MYT1L: variants seen among roughly 807,000 people sequenced by gnomAD.
MYT1L encodes myelin transcription factor 1 like.
MYT1L carries 12 observed loss-of-function variants against 126.7 expected under a neutral mutation model. That is an observed-to-expected ratio of 0.09 (90% confidence interval 0.06 to 0.15). The LOEUF is 0.15. Among genes scored for constraint, MYT1L ranks in the 10% least tolerant of loss-of-function variants. The probability of loss-of-function intolerance (pLI) is 1.00; values close to 1 mark genes in which losing one functional copy is unlikely to be tolerated. For missense variants in MYT1L, 979 were observed against 1,585.2 expected (o/e 0.62, Z 6.49); for synonymous variants, 541 against 604.2 (o/e 0.90, Z 1.53).
At chr2:2,193,984 T>C (rs2092698125) in intron 2 of MYT1L, among the ~76,000 whole-genome samples, 1 of 152,090 alleles carries the variant, frequency 6.6e-6, no homozygotes, top group African/African-American at 2.4e-5. Context: ...TCTAAATCAT[T>C]ATAGTGATTT....
chr2:2,231,020 C>T (rs565343929), intron 2 of MYT1L, among the ~76,000 whole-genome samples: 2 of 152,230 alleles, frequency 1.3e-5, no homozygotes, highest in African/African-American at 4.8e-5. Flanking sequence ...GCCCCCACCC[C>T]CAGACTCAGG....
chr2:2,174,819 C>T (rs969747922), intron 2 of MYT1L, among the ~76,000 whole-genome samples: 14 of 152,086 alleles, frequency 9.2e-5, no homozygotes, highest in African/African-American at 3.4e-4. Flanking sequence ...CCCATCTCAG[C>T]CAATCTTGGT....
intron 9 of MYT1L, among the ~76,000 whole-genome samples, chr2:1,942,337 C>T (rs1198695926): frequency 3.3e-5 from 5 of 152,228 alleles, no homozygotes; most frequent in Non-Finnish European, 7.3e-5. Flanking sequence ...ACATTCCCAA[C>T]ACACAGCATG....
chr2:1,951,837 T>C (rs2057780239), intron 8 of MYT1L, among the ~76,000 whole-genome samples: 1 of 152,162 alleles, frequency 6.6e-6, no homozygotes, highest in Non-Finnish European at 1.5e-5. Context: ...ATATCCTTTC[T>C]CACCACTAGC....
At chr2:2,226,998 T>C (rs2094026594) in intron 2 of MYT1L, among the ~76,000 whole-genome samples, 2 of 152,158 alleles carry the variant, frequency 1.3e-5, no homozygotes, top group Non-Finnish European at 2.9e-5. Context: ...TTTTGAACAA[T>C]AGGGAATTCT....
At chr2:2,186,612 T>TCAACCATCCCATGTCCCGC (rs1178037546) in intron 2 of MYT1L, among the ~76,000 whole-genome samples, 1 of 152,186 alleles carries the variant, frequency 6.6e-6, no homozygotes, top group Non-Finnish European at 1.5e-5. Flanking sequence ...TGCAGACCCG[T>TCAACCATCCCATGTCCCGC]CAACCATCCC....
chr2:2,125,009 A>G (rs1312640700), intron 3 of MYT1L, among the ~76,000 whole-genome samples: 1 of 152,226 alleles, frequency 6.6e-6, no homozygotes, highest in Admixed American at 6.5e-5. Flanking sequence ...ACCTTTATCC[A>G]TAGTTAGTTG....
chr2:1,978,579 C>A (rs1337599627), intron 8 of MYT1L, among the ~76,000 whole-genome samples: 2 of 152,168 alleles, frequency 1.3e-5, no homozygotes, highest in African/African-American at 4.8e-5. Context: ...CCATCCCTGT[C>A]GCAGACCTGA....
At chr2:2,016,318 G>A (rs2064383768) in intron 4 of MYT1L, among the ~76,000 whole-genome samples, 2 of 152,134 alleles carry the variant, frequency 1.3e-5, no homozygotes, top group South Asian at 4.1e-4. Flanking sequence ...TCAGGAAGTG[G>A]CTGTTTCAGG....
chr2:2,210,887 T>C (rs943364626), intron 2 of MYT1L, among the ~76,000 whole-genome samples: 2 of 152,206 alleles, frequency 1.3e-5, no homozygotes, highest in Non-Finnish European at 2.9e-5. Flanking sequence ...TTTTTTTGTT[T>C]CTTCAATTTT....
At chr2:2,165,175 T>C (rs1178246994) in intron 3 of MYT1L, among the ~76,000 whole-genome samples, 2 of 152,212 alleles carry the variant, frequency 1.3e-5, no homozygotes, top group East Asian at 3.9e-4. Flanking sequence ...TTTCAAGTTC[T>C]ATGATCTACC....
At chr2:2,025,564 T>C (rs2065457369) in intron 4 of MYT1L, among the ~76,000 whole-genome samples, 1 of 152,212 alleles carries the variant, frequency 6.6e-6, no homozygotes, top group African/African-American at 2.4e-5. Flanking sequence ...CCCCCTCCAC[T>C]GGAATAGTGT....
At chr2:2,288,290 G>C (rs1006518441) in intron 1 of MYT1L, among the ~76,000 whole-genome samples, 2 of 152,158 alleles carry the variant, frequency 1.3e-5, no homozygotes, top group Admixed American at 1.3e-4. Context: ...TTTGAACCCT[G>C]ATCATCTAAT....
chr2:1,950,710 G>T (rs1027654536), intron 8 of MYT1L, among the ~76,000 whole-genome samples: 8 of 152,200 alleles, frequency 5.3e-5, no homozygotes, highest in African/African-American at 1.7e-4. Flanking sequence ...GTGGTCAGAG[G>T]CTGGAGGTGT....
In MYT1L at chr2:1,793,647, CTCCAGGA is replaced by C. The variant is rs887449675; in HGVS notation, c.3277-1190_3277-1184del. On this transcript the variant is annotated intron_variant, in intron 23 of 24. Transcript: ENST00000647738. This position sits in a 1 kb window ranked among gnomAD's most constrained non-coding sequence, Gnocchi z 4.6. ...AAAACTGAAGCACCTCAGAGGCGCCCTCCAGGATGAAGTGGGGAGGGCCGGCCTTCTC... is the reference window on the plus strand; with the variant it reads ...AAAACTGAAGCACCTCAGAGGCGCCCTGAAGTGGGGAGGGCCGGCCTTCTC... 1.3e-4 allele frequency among the ~76,000 whole-genome samples: 20 copies of C among 152,192 alleles called. No individual in the cohort carries two copies. Among genetic ancestry groups the C allele is most frequent in the Admixed American group, 1.2e-3 (19 of 15,278 alleles).
chr2:2,019,287 C>G (rs2064780191), intron 4 of MYT1L, among the ~76,000 whole-genome samples: 1 of 152,132 alleles, frequency 6.6e-6, no homozygotes, highest in Non-Finnish European at 1.5e-5. Context: ...GGGAATTCCC[C>G]TGCACACACT....
At position 1,852,888 on chromosome 2, in the gene MYT1L, T is replaced by G. The variant is rs2043454651; in HGVS notation, c.2712-1185A>C. ...TGCTCCTAGAGATTTCAATTTGCTT[T>G]CCACTCAGAAAGTCACTATGGATAG... On this transcript the variant is annotated intron_variant, in intron 18 of 24. Transcript: ENST00000647738. This position sits in a 1 kb window ranked among gnomAD's most constrained non-coding sequence, Gnocchi z 4.0. Among the ~76,000 whole-genome samples the G allele has an allele frequency of 6.6e-6, 1 of 152,196 alleles. No individual in the cohort carries two copies. The highest frequency in any genetic ancestry group is 6.5e-5 in the Admixed American group (1 of 15,272).
intron 22 of MYT1L, among the ~76,000 whole-genome samples, chr2:1,803,174 T>G (rs1001180723): frequency 6.6e-6 from 1 of 152,110 alleles, no homozygotes. Context: ...ACCCTCAAGA[T>G]AAAAATACCC....
chr2:1,801,477 C>T lies in MYT1L; in HGVS notation c.3276+219G>A. On this transcript the variant is annotated intron_variant, in intron 23 of 24. Coordinates refer to ENST00000647738, the MANE Select transcript of MYT1L (RefSeq NM_001303052.2). This position sits in a 1 kb window ranked among gnomAD's most constrained non-coding sequence, Gnocchi z 4.2. ...CACTTTATTAAAAAACACAAACACACATGCAGACTGAAAACGAGAGAACCA... is the reference window on the plus strand; with the variant it reads ...CACTTTATTAAAAAACACAAACACATATGCAGACTGAAAACGAGAGAACCA... 2.1e-6 allele frequency: 1 copy of T among 485,634 alleles called. No individual in the cohort carries two copies. Among genetic ancestry groups the T allele is most frequent in the Non-Finnish European group, 3.6e-6 (1 of 276,954 alleles). 30.1% of individuals were successfully genotyped at this position (485,634 alleles called of 1,614,324 possible).
Sources: gnomAD v4.1 joint callset for allele counts (sites outside exome capture counted in the v4.1 genomes callset) on GRCh38, gnomAD v4.1.1 for gene constraint, Gnocchi (gnomAD v3.1) non-coding constraint, MANE v1.5 for transcripts, NCBI Gene and HGNC (gene_info 2026-07-23, HGNC 2026-07-21) for gene names.